The following ACLY variants were observed in gnomAD, a reference collection of about 807,000 sequenced individuals.
The protein encoded by ACLY is ATP citrate lyase.
In ACLY, 41 loss-of-function variants were observed where a neutral mutation model predicts 133.0. The observed-to-expected ratio is 0.31, with a 90% CI of 0.24 to 0.40. ACLY has a LOEUF of 0.40. Among genes scored for constraint, ACLY ranks in the 10% least tolerant of loss-of-function variants. The probability of loss-of-function intolerance (pLI) is 1.00; values close to 1 mark genes in which losing one functional copy is unlikely to be tolerated. For missense variants in ACLY, 1,046 were observed against 1,453.8 expected (o/e 0.72, Z 4.56); for synonymous variants, 495 against 549.3 (o/e 0.90, Z 1.38).
At chr17:41,873,786 G>T in intron 23 of ACLY, 25 bp downstream of exon 23, 1 of 1,533,594 alleles carries the variant, frequency 6.5e-7, no homozygotes, top group Non-Finnish European at 8.8e-7. Flanking sequence ...GCAGGGCCCT[G>T]TAATCTTCTG....
chr17:41,902,764 T>C (rs954996297), intron 10 of ACLY, among the ~76,000 whole-genome samples: 1 of 152,244 alleles, frequency 6.6e-6, no homozygotes. Context: ...GTCCCAGATT[T>C]GTCTGTTAAA....
intron 19 of ACLY, 89 bp from the exon 20 acceptor site, chr17:41,883,321 T>C: frequency 9.1e-7 from 1 of 1,097,164 alleles, no homozygotes. Context: ...GACACGGGCT[T>C]TGGCCAAATA....
rs782220758 is a variant in ACLY at position 41,906,515 on chromosome 17, C to T, written c.866+13G>A. On this transcript the variant is annotated intron_variant, in intron 8 of 28. Transcript: ENST00000352035. ...ACTGGGCTGGCATCCCTTCAGCAAC[C>T]CCCTTCGGTCACCTGTACACGACAG... 4.3e-6 allele frequency: 7 copies of T among 1,611,822 alleles called. No individual in the cohort carries two copies. The highest frequency in any genetic ancestry group is 3.3e-5 in the Admixed American group (2 of 59,948).
At position 41,903,710 on chromosome 17, in the gene ACLY, T is replaced by G. The variant is rs551038182; in HGVS notation, c.1065+1019A>C. ...GGCGGAGGTTGCAGTGAGCCGAGAT[T>G]GCGCCACTGCACGCCAGCCTGGGCA... On this transcript the variant is annotated intron_variant, in intron 10 of 28. Transcript: ENST00000352035. 1.9e-3 allele frequency among the ~76,000 whole-genome samples: 235 copies of G among 122,636 alleles called. 1 individual carries two copies. Among genetic ancestry groups the G allele is most frequent in the African/African-American group, 7.3e-3 (228 of 31,048 alleles). 80.5% of individuals were successfully genotyped at this position (122,636 alleles called of 152,430 possible).
At chr17:41,878,716 T>C in intron 21 of ACLY, 81 bp downstream of exon 21, 3 of 1,557,578 alleles carry the variant, frequency 1.9e-6, no homozygotes, top group Non-Finnish European at 2.6e-6. Context: ...ATACATGATG[T>C]CCCTGTGTGG....
intron 19 of ACLY, among the ~76,000 whole-genome samples, chr17:41,883,582 C>CT (rs139989311): frequency 7.1e-4 from 63 of 88,924 alleles, no homozygotes; most frequent in African/African-American, 1.2e-3. Flanking sequence ...TTTTTTTTTG[C>CT]TTTTTTTTTT....
rs782175737 is a variant in ACLY at position 41,871,797 on chromosome 17, G to A, written c.2829C>T (p.Ala943=). The A allele has an allele frequency of 1.2e-6, 2 of 1,613,912 alleles. No homozygotes were observed. Among genetic ancestry groups the A allele is most frequent in the East Asian group, 4.5e-5 (2 of 44,898 alleles). The change falls in exon 25 of 29, where the codon GCC becomes GCT. Residue 943 remains alanine, a synonymous_variant. Transcript: ENST00000352035. ...DRFGGALDAA[A]KMFSKAFDSG... The stretch of plus-strand genomic sequence containing the variant: ...TGTCAAAGGCTTTACTGAACATCTT[G>A]GCTGCTGCATCCAAGGCACCCCCAA...
At chr17:41,925,620 T>G (rs556243141) in intron 1 of ACLY, among the ~76,000 whole-genome samples, 6 of 151,402 alleles carry the variant, frequency 4.0e-5, no homozygotes, top group Non-Finnish European at 8.8e-5. Flanking sequence ...AAATAATAAA[T>G]AAATAAAAGT....
chr17:41,886,051 T>TA, intron 18 of ACLY, 61 bp downstream of exon 18: 1 of 1,526,158 alleles, frequency 6.6e-7, no homozygotes, highest in Non-Finnish European at 9.0e-7. Context: ...GGACACAGCA[T>TA]CGTCTCCTAG....
intron 1 of ACLY, among the ~76,000 whole-genome samples, chr17:41,929,409 C>G (rs782318888): frequency 1.3e-5 from 2 of 152,084 alleles, no homozygotes; most frequent in Non-Finnish European, 2.9e-5. Flanking sequence ...TCTCTACTTA[C>G]GTCTACTGGG....
In ACLY at chr17:41,883,582, CTTTTTT is replaced by C. The variant is rs139989311; in HGVS notation, c.2155-356_2155-351del. Among the ~76,000 whole-genome samples, 19 of 88,904 alleles carry C rather than the reference CTTTTTT, an allele frequency of 2.1e-4. No homozygotes were observed. The South Asian group carries it at 2.6e-3, about 12-fold the overall frequency. 58.3% of individuals were successfully genotyped at this position (88,904 alleles called of 152,430 possible). A position where few individuals can be genotyped will look rare whatever the true frequency, so the allele number is the denominator to read the frequency against. Reference sequence around the variant, plus strand: ...TTTTTTAAAAAGCGCTTTTTTTTTGCTTTTTTTTTTTTTTTTTTTTGAGACGGAGTC... The same window carrying C: ...TTTTTTAAAAAGCGCTTTTTTTTTGCTTTTTTTTTTTTTTGAGACGGAGTC... On this transcript the variant is annotated intron_variant, in intron 19 of 28. Transcript: ENST00000352035.
chr17:41,909,658 C>A lies in ACLY; in HGVS notation c.388G>T (p.Asp130Tyr), dbSNP rs1555633329. 2.5e-6 allele frequency: 4 copies of A among 1,614,056 alleles called. No homozygotes were observed. Among genetic ancestry groups the A allele is most frequent in the African/African-American group, 2.7e-5 (2 of 74,912 alleles). ...CCCTCGTGGTGGAACAGGACGTAGT[C>A]CCCTTCTCGGGTGGCATAGATGCAG... ...YVCIYATREGDYVLFHHEGGV... is the reference protein window; with the variant it reads ...YVCIYATREGYYVLFHHEGGV... Residue 130 changes from aspartate to tyrosine, a missense_variant, in exon 5 of 29, where the codon GAC becomes TAC. By Grantham distance (160) the Asp-to-Tyr change is radical. Transcript: ENST00000352035.
chr17:41,868,012 G>A, intron 28 of ACLY, 108 bp from the exon 29 acceptor site: 2 of 715,720 alleles, frequency 2.8e-6, no homozygotes, highest in Non-Finnish European at 2.3e-6. Context: ...TAGACACAAA[G>A]CAGTGGGAAG....
intron 1 of ACLY, among the ~76,000 whole-genome samples, chr17:41,925,434 CAA>C (rs34698648): frequency 0.024 from 2,672 of 111,030 alleles, 61 homozygotes; most frequent in African/African-American, 0.067. Flanking sequence ...CCTTCTCTAC[CAA>C]AAAAAAAAAA....
chr17:41,873,762 A>T (rs781894956), intron 23 of ACLY, 49 bp downstream of exon 23: 1 of 1,484,506 alleles, frequency 6.7e-7, no homozygotes. Flanking sequence ...GGGGAAAATC[A>T]TTAACTCTGA....
Position 41,871,637 on chromosome 17 carries a change from G to A in ACLY, c.2937+52C>T, listed in dbSNP as rs1161175706. On this transcript the variant is annotated intron_variant, in intron 25 of 28. Coordinates refer to ENST00000352035, the MANE Select transcript of ACLY (RefSeq NM_001096.3). ...CCCAAAGTGCTGTGATTACAGGCAT[G>A]GGCCACCGCGCCTGGCCTCCATCCC... 5 of 1,607,586 alleles carry A rather than the reference G, an allele frequency of 3.1e-6. No individual in the cohort carries two copies. In the Admixed American group the frequency reaches 8.4e-5, roughly 27 times the overall value.
In ACLY at chr17:41,878,310, T is replaced by C. The variant is rs112570088; in HGVS notation, c.2394-114A>G. The C allele has an allele frequency of 7.7e-5, 49 of 634,064 alleles. 1 individual carries two copies. The highest frequency in any genetic ancestry group is 6.9e-4 in the African/African-American group (36 of 52,108). The allele number at this position is 634,064 out of a possible 1,614,324, so 39.3% of individuals were successfully genotyped here. ...ACACTGTAGGTTTCTTAGTTTACTCTTACCTGCTGAATTCTGAGAACTAAA... is the reference window on the plus strand; with the variant it reads ...ACACTGTAGGTTTCTTAGTTTACTCCTACCTGCTGAATTCTGAGAACTAAA... On this transcript the variant is annotated intron_variant, in intron 21 of 28. Transcript: ENST00000352035.
intron 2 of ACLY, among the ~76,000 whole-genome samples, chr17:41,912,754 G>T (rs1466590592): frequency 6.6e-6 from 1 of 152,164 alleles, no homozygotes; most frequent in African/African-American, 2.4e-5. Flanking sequence ...AGAGGCATTT[G>T]TGCCCAGATG....
At chr17:41,930,414 G>T in exon 1 of ACLY, 1 of 289,582 alleles carries the variant, frequency 3.5e-6, no homozygotes. Context: ...CTGTTTTCTT[G>T]GCTGTCTTAC....
Sources: gnomAD v4.1 joint callset for allele counts (sites outside exome capture counted in the v4.1 genomes callset) on GRCh38, gnomAD v4.1.1 for gene constraint, MANE v1.5 for transcripts, NCBI Gene and HGNC (gene_info 2026-07-23, HGNC 2026-07-21) for gene names.